The following LRP1B variants were observed in gnomAD, a reference collection of about 807,000 sequenced individuals.
LRP1B encodes low-density lipoprotein receptor-related protein 1B.
LRP1B carries 217 observed loss-of-function variants against 556.6 expected under a neutral mutation model. That is an observed-to-expected ratio of 0.39 (90% confidence interval 0.35 to 0.44). The LOEUF is 0.44. Ranked by LOEUF, LRP1B falls within the 20% of genes least tolerant of loss-of-function variation. LRP1B has a pLI of 1.00. For missense variants in LRP1B, 5,053 were observed against 5,620.8 expected (o/e 0.90, Z 3.23); for synonymous variants, 2,047 against 1,865.8 (o/e 1.10, Z -2.50).
intron 43 of LRP1B, among the ~76,000 whole-genome samples, chr2:140,555,295 G>A (rs1322817543): frequency 1.3e-5 from 2 of 151,062 alleles, no homozygotes; most frequent in East Asian, 1.9e-4. Context: ...TTATACATAC[G>A]CATGAATATG....
intron 84 of LRP1B, among the ~76,000 whole-genome samples, chr2:140,282,238 A>G (rs1682945169): frequency 6.6e-6 from 1 of 151,784 alleles, no homozygotes; most frequent in African/African-American, 2.4e-5. Flanking sequence ...AAAATGATGT[A>G]AATGATAATT....
chr2:141,467,642 A>G (rs998858726), intron 3 of LRP1B, among the ~76,000 whole-genome samples: 2 of 152,012 alleles, frequency 1.3e-5, no homozygotes, highest in Non-Finnish European at 2.9e-5. Flanking sequence ...AGAGAAAGTT[A>G]TTGCTGCTTC....
intron 3 of LRP1B, among the ~76,000 whole-genome samples, chr2:141,364,849 A>T (rs1237879911): frequency 2.0e-5 from 3 of 152,224 alleles, no homozygotes; most frequent in Non-Finnish European, 4.4e-5. Flanking sequence ...TAAACTTTGT[A>T]ATTATATGTA....
intron 77 of LRP1B, among the ~76,000 whole-genome samples, chr2:140,344,745 T>C (rs1442220694): frequency 1.3e-5 from 2 of 151,722 alleles, no homozygotes; most frequent in Non-Finnish European, 2.9e-5. Context: ...TGATATCAAT[T>C]ATGTTAGCAT....
chr2:140,654,156 C>T (rs1218771130), intron 41 of LRP1B, among the ~76,000 whole-genome samples: 5 of 147,518 alleles, frequency 3.4e-5, no homozygotes, highest in African/African-American at 1.0e-4. Context: ...GATTTTAAAA[C>T]TATAAGTATA....
rs62166559 is a variant in LRP1B at position 141,730,131 on chromosome 2, T to C, written c.205+80148A>G. Among the ~76,000 whole-genome samples, 451 of 152,272 alleles carry C rather than the reference T, an allele frequency of 3.0e-3. 2 individuals carry two copies. Among genetic ancestry groups the C allele is most frequent in the Admixed American group, 6.6e-3 (101 of 15,274 alleles). On this transcript the variant is annotated intron_variant, in intron 2 of 90. Coordinates refer to ENST00000389484, the MANE Select transcript of LRP1B (RefSeq NM_018557.3). ...GAGTCAATTTTTGTCAAACATCATG[T>C]GGCTTAGCCAGTTTTGGCTTTCGTA...
At chr2:141,540,347 C>A (rs751805130) in intron 2 of LRP1B, among the ~76,000 whole-genome samples, 3 of 151,556 alleles carry the variant, frequency 2.0e-5, no homozygotes, top group Non-Finnish European at 2.9e-5. Context: ...CCGACAGATA[C>A]AATATTGGTG....
intron 1 of LRP1B, among the ~76,000 whole-genome samples, chr2:141,817,794 A>G (rs2105723027): frequency 6.6e-6 from 1 of 152,252 alleles, no homozygotes; most frequent in East Asian, 1.9e-4. Flanking sequence ...TACTAATATT[A>G]CCTTAATAAA....
At chr2:141,627,426 C>A (rs1424202397) in intron 2 of LRP1B, among the ~76,000 whole-genome samples, 1 of 152,320 alleles carries the variant, frequency 6.6e-6, no homozygotes, top group East Asian at 1.9e-4. Flanking sequence ...AGCCCCCTGG[C>A]AGTAGACTAG....
In LRP1B at chr2:140,715,253, A is replaced by AT. The variant is rs1311826780; in HGVS notation, c.6023+719dup. On this transcript the variant is annotated intron_variant, in intron 37 of 90. Transcript: ENST00000389484. Reference sequence around the variant, plus strand: ...AAAGATTTTAAGTAAGCAGATGTATATTAAAAAAAAATCACTCTAGGCTTT... The same window carrying AT: ...AAAGATTTTAAGTAAGCAGATGTATATTTAAAAAAAAATCACTCTAGGCTTT... Among the ~76,000 whole-genome samples the AT allele has an allele frequency of 2.0e-5, 3 of 152,124 alleles. No homozygotes were observed. The East Asian group carries it at 5.8e-4, about 29-fold the overall frequency.
intron 25 of LRP1B, among the ~76,000 whole-genome samples, chr2:140,868,787 T>C (rs1267286454): frequency 2.6e-5 from 4 of 152,098 alleles, no homozygotes; most frequent in African/African-American, 9.7e-5. Flanking sequence ...CTGGATTTTA[T>C]ATTAAGGGAA....
chr2:140,584,530 T>C (rs563534601), intron 43 of LRP1B, among the ~76,000 whole-genome samples: 1 of 152,152 alleles, frequency 6.6e-6, no homozygotes, highest in African/African-American at 2.4e-5. Flanking sequence ...TGCCTAAAAA[T>C]TGAAAGTTTC....
At chr2:141,243,143 T>A (rs943715082) in intron 5 of LRP1B, among the ~76,000 whole-genome samples, 14 of 92,802 alleles carry the variant, frequency 1.5e-4, no homozygotes, top group East Asian at 1.1e-3. Context: ...ATTATTATTT[T>A]TATTTTTTTT....
At chr2:140,380,993 T>TA in intron 67 of LRP1B, among the ~76,000 whole-genome samples, 2 of 152,262 alleles carry the variant, frequency 1.3e-5, no homozygotes, top group African/African-American at 4.8e-5. Context: ...ATCACGTTTT[T>TA]AAAAATGCCA....
chr2:141,977,426 T>G (rs1975247), intron 1 of LRP1B, among the ~76,000 whole-genome samples: 92,848 of 151,728 alleles, frequency 0.61, 29,286 homozygotes, highest in African/African-American at 0.75. Flanking sequence ...GCAAAAATTA[T>G]CCAGGAATGC....
At chr2:140,836,457 T>C (rs1691906600) in intron 31 of LRP1B, among the ~76,000 whole-genome samples, 1 of 152,222 alleles carries the variant, frequency 6.6e-6, no homozygotes, top group Non-Finnish European at 1.5e-5. Context: ...TTGCTATACA[T>C]TGTCCCTAAT....
intron 6 of LRP1B, among the ~76,000 whole-genome samples, chr2:141,189,638 T>A (rs550911357): frequency 6.6e-6 from 1 of 150,822 alleles, no homozygotes; most frequent in African/African-American, 2.5e-5. Context: ...TTCTTCCTTT[T>A]AGGTCAACAA....
intron 3 of LRP1B, among the ~76,000 whole-genome samples, chr2:141,434,979 A>G (rs1680704742): frequency 6.6e-6 from 1 of 151,892 alleles, no homozygotes; most frequent in African/African-American, 2.4e-5. Context: ...TTGTCATTGT[A>G]TACGTAGTAG....
intron 84 of LRP1B, among the ~76,000 whole-genome samples, chr2:140,296,213 T>TA (rs1323163219): frequency 3.9e-5 from 6 of 152,130 alleles, no homozygotes; most frequent in African/African-American, 1.4e-4. Context: ...AGAAGATTAG[T>TA]AAAAAATACA....
Sources: allele counts gnomAD v4.1 joint callset (sites outside exome capture counted in the v4.1 genomes callset), GRCh38; gene constraint gnomAD v4.1.1; transcripts MANE v1.5; gene names NCBI Gene and HGNC (gene_info 2026-07-23, HGNC 2026-07-21).